Variants in RASGRF1 observed in about 807,000 individuals in gnomAD.
RASGRF1 encodes the protein Ras protein specific guanine nucleotide releasing factor 1.
RASGRF1 carries 40 observed loss-of-function variants against 138.7 expected under a neutral mutation model. That is an observed-to-expected ratio of 0.29 (90% CI 0.22 to 0.38). RASGRF1 has a LOEUF of 0.38. Ranked by LOEUF, RASGRF1 falls within the 10% of genes least tolerant of loss-of-function variation. The probability of loss-of-function intolerance (pLI) is 1.00; values close to 1 mark genes in which losing one functional copy is unlikely to be tolerated. For missense variants in RASGRF1, 1,108 were observed against 1,650.4 expected (o/e 0.67, Z 5.69); for synonymous variants, 614 against 663.2 (o/e 0.93, Z 1.14).
rs2057788611 is a variant in RASGRF1 at position 79,073,447 on chromosome 15, T to C, written c.277-8921A>G. Among the ~76,000 whole-genome samples the C allele has an allele frequency of 6.6e-6, 1 of 151,932 alleles. No homozygotes were observed. The highest frequency in any genetic ancestry group is 2.4e-5 in the African/African-American group (1 of 41,358). The stretch of plus-strand genomic sequence containing the variant: ...CCTTAGGAAATAGGAGGAGAGGCAG[T>C]TGGTTGGCAGTATCATCCGAAGCTA... On this transcript the variant is annotated intron_variant, in intron 1 of 26. Coordinates refer to ENST00000558480, the MANE Select transcript of RASGRF1 (RefSeq NM_001145648.3). This position sits in a 1 kb window ranked among gnomAD's most constrained non-coding sequence, Gnocchi z 4.2.
At position 79,006,613 on chromosome 15, in the gene RASGRF1, C is replaced by T. The variant is rs527413413; in HGVS notation, c.1827-179G>A. On this transcript the variant is annotated intron_variant, in intron 13 of 26. Coordinates refer to ENST00000558480, the MANE Select transcript of RASGRF1 (RefSeq NM_001145648.3). This position sits in a 1 kb window ranked among gnomAD's most constrained non-coding sequence, Gnocchi z 4.0. ...GCTACAACTTCTTTTTCCCAATATCCTAAAAACTCTCCATTATAAAACCCC... is the reference window on the plus strand; with the variant it reads ...GCTACAACTTCTTTTTCCCAATATCTTAAAAACTCTCCATTATAAAACCCC... Among the ~76,000 whole-genome samples, 1 of 152,254 alleles carries T rather than the reference C, an allele frequency of 6.6e-6. No individual in the cohort carries two copies. The highest frequency in any genetic ancestry group is 2.1e-4 in the South Asian group (1 of 4,822).
At chr15:78,976,410 A>T (rs1046596130) in intron 24 of RASGRF1, among the ~76,000 whole-genome samples, 2 of 152,212 alleles carry the variant, frequency 1.3e-5, no homozygotes, top group African/African-American at 4.8e-5. Flanking sequence ...TCACAAAAAA[A>T]TCTCTTAATG....
At chr15:79,071,459 A>T (rs1162090073) in intron 1 of RASGRF1, among the ~76,000 whole-genome samples, 4 of 151,040 alleles carry the variant, frequency 2.6e-5, no homozygotes, top group Non-Finnish European at 5.9e-5. Flanking sequence ...TTCCAGGTTC[A>T]AGTGATTCTC....
chr15:79,056,112 G>T (rs2057507479), intron 3 of RASGRF1, among the ~76,000 whole-genome samples: 1 of 152,176 alleles, frequency 6.6e-6, no homozygotes, highest in Non-Finnish European at 1.5e-5. Context: ...ATGTCACCAG[G>T]TAGGATGCGT....
intron 1 of RASGRF1, among the ~76,000 whole-genome samples, chr15:79,072,477 G>A (rs962903752): frequency 9.9e-5 from 15 of 150,856 alleles, no homozygotes; most frequent in Admixed American, 4.0e-4. Flanking sequence ...GGGTTTCACC[G>A]TGTTAGCCAG....
At chr15:79,004,519 C>T (rs1050993619) in intron 14 of RASGRF1, among the ~76,000 whole-genome samples, 3 of 152,094 alleles carry the variant, frequency 2.0e-5, no homozygotes, top group Admixed American at 6.5e-5. Context: ...AGGGCCTGCT[C>T]CCGCCTACAC....
At chr15:79,011,183 A>G (rs1297603838) in intron 13 of RASGRF1, among the ~76,000 whole-genome samples, 2 of 152,038 alleles carry the variant, frequency 1.3e-5, no homozygotes, top group African/African-American at 4.8e-5. Context: ...CCTACAGAAT[A>G]AAGCCCCACT....
chr15:78,987,375 G>A (rs990439051), intron 22 of RASGRF1, among the ~76,000 whole-genome samples: 4 of 152,062 alleles, frequency 2.6e-5, no homozygotes, highest in African/African-American at 9.7e-5. Flanking sequence ...CATTCCACAT[G>A]GGGAAATATT....
Position 79,020,970 on chromosome 15 carries a change from T to C in RASGRF1, c.1543-866A>G, listed in dbSNP as rs1217456767. Among the ~76,000 whole-genome samples, 5 of 152,186 alleles carry C rather than the reference T, an allele frequency of 3.3e-5. No individual in the cohort carries two copies. The East Asian group carries it at 9.6e-4, about 29-fold the overall frequency. Reference sequence around the variant, plus strand: ...CTCTTGCTGTCTCTTGCATCACCTGTTGTGGGGGACACCAACTGGCATGTT... The same window carrying C: ...CTCTTGCTGTCTCTTGCATCACCTGCTGTGGGGGACACCAACTGGCATGTT... On this transcript the variant is annotated intron_variant, in intron 10 of 26. Transcript: ENST00000558480.
At chr15:78,990,392 A>G in intron 21 of RASGRF1, 119 bp from the exon 22 acceptor site, 1 of 690,300 alleles carries the variant, frequency 1.4e-6, no homozygotes, top group South Asian at 1.8e-5. Flanking sequence ...TGGGGGAACA[A>G]CCTTCTGCAG....
intron 5 of RASGRF1, among the ~76,000 whole-genome samples, chr15:79,035,701 C>T (rs2057211611): frequency 6.6e-6 from 1 of 152,208 alleles, no homozygotes. Context: ...TGCCCCTTCC[C>T]GGCTGTGAGA....
intron 21 of RASGRF1, among the ~76,000 whole-genome samples, chr15:78,991,390 C>T (rs1370258970): frequency 6.6e-6 from 1 of 152,206 alleles, no homozygotes; most frequent in African/African-American, 2.4e-5. Context: ...CACAGTTTCT[C>T]ACAGGTACAT....
chr15:79,015,285 T>C, intron 13 of RASGRF1, 42 bp downstream of exon 13: 1 of 1,561,346 alleles, frequency 6.4e-7, no homozygotes, highest in Admixed American at 1.7e-5. Flanking sequence ...GTACTCAGTC[T>C]CTGGAATGCT....
intron 1 of RASGRF1, among the ~76,000 whole-genome samples, chr15:79,066,177 C>G (rs1315517816): frequency 2.0e-5 from 3 of 152,102 alleles, no homozygotes; most frequent in Non-Finnish European, 4.4e-5. Context: ...CACACAAATG[C>G]TTGTCTCCCA....
rs1263979866 is a variant in RASGRF1 at position 79,004,073 on chromosome 15, A to G, written c.2178T>C (p.Pro726=). ...GTGACGATGTCTTGGTGATGGACAG[A>G]GGTGGCGGCGAGGAGAACTTGCGGG... ...RATRKFSSPP[P]LSITKTSSPS... is the part of the protein sequence containing the mutation. The change falls in exon 15 of 27, where the codon CCT becomes CCC. Residue 726 remains proline, a synonymous_variant. Transcript: ENST00000558480. The G allele has an allele frequency of 6.2e-7, 1 of 1,613,714 alleles. No homozygotes were observed. Among genetic ancestry groups the G allele is most frequent in the Non-Finnish European group, 8.5e-7 (1 of 1,179,972 alleles).
At position 79,012,530 on chromosome 15, in the gene RASGRF1, G is replaced by C; in HGVS notation, c.1826+2797C>G. The C allele has an allele frequency of 1.9e-6, 3 of 1,613,824 alleles. No individual in the cohort carries two copies. In the East Asian group the frequency reaches 6.7e-5, roughly 36 times the overall value. On this transcript the variant is annotated intron_variant, in intron 13 of 26. Coordinates refer to ENST00000558480, the MANE Select transcript of RASGRF1 (RefSeq NM_001145648.3). ...CCCTGGTCCCCTCCCTGGTCCTCCT[G>C]TGAAGAAAACCAGGCTTTAGATTGG... is the stretch of plus-strand genomic sequence containing the variant.
Position 78,959,996 on chromosome 15 carries a change from C to T in RASGRF1, c.*2148G>A, listed in dbSNP as rs183426164. 1 of 152,308 alleles carries T rather than the reference C, an allele frequency of 6.6e-6. No homozygotes were observed. Among genetic ancestry groups the T allele is most frequent in the Admixed American group, 6.5e-5 (1 of 15,292 alleles). The allele number at this position is 152,308 out of a possible 1,614,324, so 9.4% of individuals were successfully genotyped here. A position where few individuals can be genotyped will look rare whatever the true frequency, so the allele number is the denominator to read the frequency against. ...CTACTCTGTAATGAGATACCATTTT[C>T]ATCCCCATTTTTCAGATGAGAACAG... On this transcript the variant is annotated 3_prime_UTR_variant, in exon 27 of 27. Coordinates refer to ENST00000558480, the MANE Select transcript of RASGRF1 (RefSeq NM_001145648.3).
intron 13 of RASGRF1, among the ~76,000 whole-genome samples, chr15:79,007,281 GCC>G (rs2056698008): frequency 3.3e-5 from 5 of 152,152 alleles, no homozygotes; most frequent in African/African-American, 4.8e-5. Flanking sequence ...GGAACCAGTG[GCC>G]CTGAAGGCTG....
chr15:79,066,153 C>T (rs999893120), intron 1 of RASGRF1, among the ~76,000 whole-genome samples: 3 of 152,002 alleles, frequency 2.0e-5, no homozygotes, highest in African/African-American at 7.3e-5. Flanking sequence ...CCCCATCTCT[C>T]GAGAGATGAT....
Sources: gnomAD v4.1 joint callset for allele counts (sites outside exome capture counted in the v4.1 genomes callset) on GRCh38, gnomAD v4.1.1 for gene constraint, Gnocchi (gnomAD v3.1) non-coding constraint, MANE v1.5 for transcripts, NCBI Gene and HGNC (gene_info 2026-07-23, HGNC 2026-07-21) for gene names.